Variants in NSMCE2 observed in about 807,000 individuals in gnomAD.
The protein encoded by NSMCE2 is E3 SUMO-protein ligase NSE2.
A neutral mutation model predicts 23.8 loss-of-function variants in NSMCE2; 24 were observed. That is an observed-to-expected ratio of 1.01 (90% confidence interval 0.73 to 1.42). NSMCE2 has a LOEUF of 1.42. NSMCE2 is among the 40% of genes most tolerant of loss of function. The probability of loss-of-function intolerance (pLI) is 0.00; values close to 1 mark genes in which losing one functional copy is unlikely to be tolerated. For missense variants in NSMCE2, 284 were observed against 296.5 expected, an observed-to-expected ratio of 0.96 and a Z score of 0.31; for synonymous variants, 92 against 94.1, an observed-to-expected ratio of 0.98 and a Z score of 0.13.
At chr8:125,279,613 A>G (rs1287056345) in intron 5 of NSMCE2, among the ~76,000 whole-genome samples, 1 of 152,268 alleles carries the variant, frequency 6.6e-6, no homozygotes, top group Admixed American at 6.5e-5. Context: ...ATAGAAATGC[A>G]TTAAGATAGA....
At chr8:125,181,183 A>G (rs1822787499) in intron 4 of NSMCE2, among the ~76,000 whole-genome samples, 1 of 152,190 alleles carries the variant, frequency 6.6e-6, no homozygotes, top group African/African-American at 2.4e-5. Flanking sequence ...GAAGGTGGAA[A>G]GAGTGGCTCC....
rs997938112 is a variant in NSMCE2 at position 125,130,408 on chromosome 8, C to T, written c.158-20763C>T. Reference sequence around the variant, plus strand: ...TACTGTTTTTTGGAAGCAAGTAGCTCGCTGTATCCACACTCAAGGGGACAT... The same window carrying T: ...TACTGTTTTTTGGAAGCAAGTAGCTTGCTGTATCCACACTCAAGGGGACAT... On this transcript the variant is annotated intron_variant, in intron 3 of 7. Transcript: ENST00000287437. 8 of 366,392 alleles carry T rather than the reference C, an allele frequency of 2.2e-5. 1 individual carries two copies. The highest frequency in any genetic ancestry group is 8.4e-5 in the African/African-American group (4 of 47,672). 22.7% of individuals were successfully genotyped at this position (366,392 alleles called of 1,614,324 possible). A position where few individuals can be genotyped will look rare whatever the true frequency, so the allele number is the denominator to read the frequency against.
At position 125,214,044 on chromosome 8, in the gene NSMCE2, A is replaced by G. The variant is rs1824470059; in HGVS notation, c.418+31788A>G. The stretch of plus-strand genomic sequence containing the variant: ...AATCTGCTTTTAAGAAGCAGTTTAC[A>G]TTAAACAAATAACTTTTATTTATAG... On this transcript the variant is annotated intron_variant, in intron 5 of 7. Transcript: ENST00000287437. Among the ~76,000 whole-genome samples the G allele has an allele frequency of 2.6e-5, 4 of 152,336 alleles. No homozygotes were observed. The South Asian group carries it at 8.3e-4, about 32-fold the overall frequency.
chr8:125,313,262 GAAA>G (rs1228378616), intron 5 of NSMCE2, among the ~76,000 whole-genome samples: 1 of 151,976 alleles, frequency 6.6e-6, no homozygotes, highest in African/African-American at 2.4e-5. Context: ...AAGAAGGAAA[GAAA>G]AAAGAAAGGA....
chr8:125,144,705 T>G (rs1294867377), intron 3 of NSMCE2, among the ~76,000 whole-genome samples: 1 of 152,210 alleles, frequency 6.6e-6, no homozygotes, highest in Non-Finnish European at 1.5e-5. Flanking sequence ...CTTTCACATT[T>G]GAGACAACCA....
intron 5 of NSMCE2, among the ~76,000 whole-genome samples, chr8:125,200,766 T>C (rs1429697340): frequency 6.6e-6 from 1 of 152,166 alleles, no homozygotes; most frequent in African/African-American, 2.4e-5. Flanking sequence ...CCTGAAGAGT[T>C]TTTTCCAACT....
chr8:125,198,962 A>G (rs968947271), intron 5 of NSMCE2, among the ~76,000 whole-genome samples: 1 of 152,078 alleles, frequency 6.6e-6, no homozygotes, highest in East Asian at 1.9e-4. Context: ...TAGATTTTCT[A>G]GTTTATTTGT....
At chr8:125,192,175 AGAT>A (rs1281719536) in intron 5 of NSMCE2, among the ~76,000 whole-genome samples, 1 of 152,148 alleles carries the variant, frequency 6.6e-6, no homozygotes, top group Non-Finnish European at 1.5e-5. Context: ...AGTGTCCCAG[AGAT>A]GATGTTACAT....
chr8:125,180,664 G>T (rs1822761087), intron 4 of NSMCE2, among the ~76,000 whole-genome samples: 1 of 152,162 alleles, frequency 6.6e-6, no homozygotes, highest in African/African-American at 2.4e-5. Context: ...TGACTAGTTG[G>T]ATGTAGAAGA....
At chr8:125,304,141 G>A (rs1380363496) in intron 5 of NSMCE2, among the ~76,000 whole-genome samples, 2 of 152,180 alleles carry the variant, frequency 1.3e-5, no homozygotes, top group Admixed American at 6.6e-5. Flanking sequence ...GATTTAGACT[G>A]TGGAAAAGTT....
chr8:125,287,904 C>T (rs1320904010), intron 5 of NSMCE2, among the ~76,000 whole-genome samples: 3 of 152,146 alleles, frequency 2.0e-5, no homozygotes, highest in Non-Finnish European at 2.9e-5. Flanking sequence ...TTTGACTACT[C>T]GACGCTCCCA....
chr8:125,093,349 C>G (rs1233421601), intron 1 of NSMCE2, among the ~76,000 whole-genome samples: 2 of 152,206 alleles, frequency 1.3e-5, no homozygotes, highest in African/African-American at 4.8e-5. Flanking sequence ...TTGGGTGACA[C>G]AAACATTCAG....
At chr8:125,332,387 G>C (rs1189566172) in intron 5 of NSMCE2, among the ~76,000 whole-genome samples, 2 of 152,146 alleles carry the variant, frequency 1.3e-5, no homozygotes, top group Non-Finnish European at 2.9e-5. Flanking sequence ...ATGGTTTATG[G>C]AGTGAAATAT....
intron 4 of NSMCE2, among the ~76,000 whole-genome samples, chr8:125,161,160 A>T (rs762801246): frequency 1.3e-5 from 2 of 152,174 alleles, no homozygotes; most frequent in African/African-American, 4.8e-5. Context: ...GGGAGAATGG[A>T]GAGGATTTCT....
intron 5 of NSMCE2, among the ~76,000 whole-genome samples, chr8:125,325,470 C>A (rs1829629759): frequency 2.0e-5 from 3 of 152,150 alleles, no homozygotes; most frequent in African/African-American, 7.2e-5. Flanking sequence ...TCACTTCAGC[C>A]TCCTAAGAAG....
chr8:125,274,412 A>G (rs1417972106), intron 5 of NSMCE2, among the ~76,000 whole-genome samples: 2 of 152,126 alleles, frequency 1.3e-5, no homozygotes, highest in South Asian at 2.1e-4. Flanking sequence ...TTATTTTTAA[A>G]ATAATACTAG....
At chr8:125,239,548 GC>G (rs1363646838) in intron 5 of NSMCE2, among the ~76,000 whole-genome samples, 1 of 148,398 alleles carries the variant, frequency 6.7e-6, no homozygotes, top group Non-Finnish European at 1.5e-5. Context: ...GGCAGAGGTT[GC>G]AGTGAACCAA....
At chr8:125,306,242 A>T (rs1467797067) in intron 5 of NSMCE2, among the ~76,000 whole-genome samples, 1 of 151,988 alleles carries the variant, frequency 6.6e-6, no homozygotes, top group Admixed American at 6.6e-5. Context: ...AGGCGAGAGG[A>T]TGGCTTGAGC....
chr8:125,214,490 G>A (rs1263543490), intron 5 of NSMCE2, among the ~76,000 whole-genome samples: 3 of 152,186 alleles, frequency 2.0e-5, no homozygotes, highest in African/African-American at 4.8e-5. Context: ...GGCGGGGTCA[G>A]TACAGGACCC....
Sources: gnomAD v4.1 joint callset for allele counts (sites outside exome capture counted in the v4.1 genomes callset) on GRCh38, gnomAD v4.1.1 for gene constraint, MANE v1.5 for transcripts, NCBI Gene and HGNC (gene_info 2026-07-23, HGNC 2026-07-21) for gene names.